Variants in FSHR observed in about 807,000 individuals in gnomAD.
FSHR encodes follicle stimulating hormone receptor, also known as follicle-stimulating hormone receptor.
FSHR carries 46 observed loss-of-function variants against 52.1 expected under a neutral mutation model. That is an observed-to-expected ratio of 0.88 (90% CI 0.70 to 1.13). FSHR has a LOEUF of 1.13. Among genes scored for constraint, FSHR ranks in the 50% most tolerant of loss-of-function variants. The pLI, the probability that FSHR is intolerant of heterozygous loss-of-function variation, is 0.00. For synonymous variants in FSHR, 399 were observed against 309.6 expected (o/e 1.29, Z -3.03); for missense variants, 964 against 834.6 (o/e 1.16, Z -1.91).
chr2:49,106,201 A>G lies in FSHR; in HGVS notation c.153-37911T>C, dbSNP rs187048932. 9.0e-4 allele frequency among the ~76,000 whole-genome samples: 137 copies of G among 152,302 alleles called. 1 individual carries two copies. Among genetic ancestry groups the G allele is most frequent in the African/African-American group, 3.2e-3 (135 of 41,590 alleles). On this transcript the variant is annotated intron_variant, in intron 1 of 9. Coordinates refer to ENST00000406846, the MANE Select transcript of FSHR (RefSeq NM_000145.4). ...TACCTTTAAAAGGAGGCAAGCCTTA[A>G]TGCTTAACAACAAGATGACATTTGA...
intron 1 of FSHR, among the ~76,000 whole-genome samples, chr2:49,134,980 G>C (rs1672434484): frequency 6.6e-6 from 1 of 152,130 alleles, no homozygotes; most frequent in Non-Finnish European, 1.5e-5. Flanking sequence ...ACGAGTTAGT[G>C]GGTGCAGCAC....
chr2:49,040,228 G>A (rs1668432173), intron 2 of FSHR, among the ~76,000 whole-genome samples: 1 of 152,114 alleles, frequency 6.6e-6, no homozygotes, highest in African/African-American at 2.4e-5. Context: ...GCCTTATAAA[G>A]TGTTTCAGAA....
At chr2:49,073,373 T>C (rs909843167) in intron 1 of FSHR, among the ~76,000 whole-genome samples, 1 of 151,982 alleles carries the variant, frequency 6.6e-6, no homozygotes, top group African/African-American at 2.4e-5. Context: ...GTGGGATAAA[T>C]TAATATACAA....
chr2:48,963,533 G>GGT lies in FSHR; in HGVS notation c.1287_1288insAC (p.His430ThrfsTer32). The GGT allele has an allele frequency of 6.2e-7, 1 of 1,614,196 alleles. No homozygotes were observed. The highest frequency in any genetic ancestry group is 8.5e-7 in the Non-Finnish European group (1 of 1,180,028). On this transcript the variant is annotated frameshift_variant, in exon 10 of 10. Transcript: ENST00000406846. LOFTEE classifies it high-confidence loss of function. ...GTTTGCCAGTCAATGGCATAGTTGT[G>GGT]ATATTGGCTCTTGGTATGGATATCA... is the stretch of plus-strand genomic sequence containing the variant.
intron 2 of FSHR, among the ~76,000 whole-genome samples, chr2:49,052,964 C>A (rs1668924703): frequency 6.6e-6 from 1 of 152,170 alleles, no homozygotes; most frequent in South Asian, 2.1e-4. Flanking sequence ...GGATCCTCAA[C>A]TTTTTTAATG....
intron 1 of FSHR, among the ~76,000 whole-genome samples, chr2:49,112,209 G>A (rs4971884): frequency 0.22 from 32,706 of 152,084 alleles, 4,269 homozygotes; most frequent in East Asian, 0.47. Flanking sequence ...GCAACTAGGT[G>A]TGACCAAAGT....
At chr2:49,076,629 A>G (rs966927323) in intron 1 of FSHR, among the ~76,000 whole-genome samples, 1 of 152,178 alleles carries the variant, frequency 6.6e-6, no homozygotes, top group African/African-American at 2.4e-5. Flanking sequence ...ACTCATTTCA[A>G]TATTAACTCA....
intron 6 of FSHR, among the ~76,000 whole-genome samples, chr2:48,986,298 G>C (rs903468325): frequency 6.6e-6 from 1 of 151,494 alleles, no homozygotes; most frequent in African/African-American, 2.4e-5. Context: ...CAAAGGGCAT[G>C]ATCTTGTTCT....
intron 2 of FSHR, among the ~76,000 whole-genome samples, chr2:49,031,021 T>C (rs1165279723): frequency 6.6e-6 from 1 of 152,256 alleles, no homozygotes; most frequent in Admixed American, 6.5e-5. Context: ...GAGTCTTTCA[T>C]GTTAGTGATC....
intron 1 of FSHR, among the ~76,000 whole-genome samples, chr2:49,083,414 G>A (rs1157456196): frequency 6.6e-6 from 1 of 151,474 alleles, no homozygotes; most frequent in African/African-American, 2.4e-5. Flanking sequence ...AGACCATCGA[G>A]ACTAGGAAGA....
intron 1 of FSHR, among the ~76,000 whole-genome samples, chr2:49,084,046 T>C (rs1249926159): frequency 1.3e-5 from 2 of 151,546 alleles, no homozygotes; most frequent in African/African-American, 4.8e-5. Context: ...ATATACATTT[T>C]TTTCAGCACC....
Position 49,097,241 on chromosome 2 carries a change from C to T in FSHR, c.153-28951G>A, listed in dbSNP as rs1338431671. Among the ~76,000 whole-genome samples, 3 of 151,950 alleles carry T rather than the reference C, an allele frequency of 2.0e-5. No individual in the cohort carries two copies. In the South Asian group the frequency reaches 6.2e-4, roughly 31 times the overall value. ...ATTGTGTTGTACTGGGCATAGATTTCTTTGAATTTTTTTTCATTTGAGATT... is the reference window on the plus strand; with the variant it reads ...ATTGTGTTGTACTGGGCATAGATTTTTTTGAATTTTTTTTCATTTGAGATT... On this transcript the variant is annotated intron_variant, in intron 1 of 9. Coordinates refer to ENST00000406846, the MANE Select transcript of FSHR (RefSeq NM_000145.4).
intron 9 of FSHR, among the ~76,000 whole-genome samples, chr2:48,964,867 A>G (rs1674397717): frequency 1.3e-5 from 2 of 152,208 alleles, no homozygotes; most frequent in African/African-American, 2.4e-5. Context: ...GAGTATACCC[A>G]TAAATATTCT....
intron 4 of FSHR, among the ~76,000 whole-genome samples, chr2:48,990,953 GT>G (rs1402399565): frequency 2.0e-5 from 3 of 151,552 alleles, no homozygotes; most frequent in Non-Finnish European, 4.4e-5. Flanking sequence ...AGTAACAAAA[GT>G]TTCTTAAAAT....
chr2:48,996,730 AC>A (rs2104126299), intron 4 of FSHR, among the ~76,000 whole-genome samples: 1 of 152,206 alleles, frequency 6.6e-6, no homozygotes, highest in Admixed American at 6.5e-5. Flanking sequence ...TCAGTTGGGA[AC>A]CCATGTCAAG....
chr2:49,134,555 T>C lies in FSHR; in HGVS notation c.152+19711A>G, dbSNP rs377147441. On this transcript the variant is annotated intron_variant, in intron 1 of 9. Coordinates refer to ENST00000406846, the MANE Select transcript of FSHR (RefSeq NM_000145.4). The stretch of plus-strand genomic sequence containing the variant: ...AGAAATACCATTTGACCCAGCCATC[T>C]CATTACTGGGTATATACCCAAAGGA... 7.9e-4 allele frequency among the ~76,000 whole-genome samples: 120 copies of C among 152,288 alleles called. No individual in the cohort carries two copies. In the East Asian group the frequency reaches 9.8e-3, roughly 12 times the overall value.
intron 1 of FSHR, among the ~76,000 whole-genome samples, chr2:49,085,722 C>T (rs1670357190): frequency 1.3e-5 from 2 of 152,058 alleles, no homozygotes; most frequent in African/African-American, 2.4e-5. Flanking sequence ...CCCAAATGTC[C>T]AACAATGATA....
At chr2:48,984,190 G>A (rs1351966570) in intron 6 of FSHR, among the ~76,000 whole-genome samples, 1 of 152,204 alleles carries the variant, frequency 6.6e-6, no homozygotes, top group East Asian at 1.9e-4. Flanking sequence ...ACAACTGTAT[G>A]TCTTTTTCCT....
At chr2:49,152,445 T>C (rs1673096679) in intron 1 of FSHR, among the ~76,000 whole-genome samples, 1 of 152,152 alleles carries the variant, frequency 6.6e-6, no homozygotes, top group Non-Finnish European at 1.5e-5. Flanking sequence ...CATACAAATA[T>C]ACTCCCTGAA....
Sources: gnomAD v4.1 joint callset for allele counts (sites outside exome capture counted in the v4.1 genomes callset) on GRCh38, gnomAD v4.1.1 for gene constraint, MANE v1.5 for transcripts, NCBI Gene and HGNC (gene_info 2026-07-23, HGNC 2026-07-21) for gene names.